Variants in EXOC6B observed in about 807,000 individuals in gnomAD.
EXOC6B encodes SEC15 homolog B.
EXOC6B carries 54 observed loss-of-function variants against 113.5 expected under a neutral mutation model. That is an observed-to-expected ratio of 0.48 (90% confidence interval 0.38 to 0.60). The LOEUF (loss-of-function observed/expected upper bound fraction) is 0.60, where lower values mean the gene tolerates loss of function less well. Ranked by LOEUF, EXOC6B falls within the 20% of genes least tolerant of loss-of-function variation. EXOC6B has a pLI of 0.00. For synonymous variants in EXOC6B, 357 were observed against 339.0 expected (o/e 1.05, Z -0.58); for missense variants, 797 against 977.5 (o/e 0.82, Z 2.46).
At chr2:72,206,281 T>C (rs539890722) in intron 20 of EXOC6B, among the ~76,000 whole-genome samples, 20 of 152,326 alleles carry the variant, frequency 1.3e-4, no homozygotes, top group African/African-American at 4.8e-4. Context: ...CATCTTTAAA[T>C]ATGAGAGTAA....
At chr2:72,259,199 T>C (rs1251151836) in intron 20 of EXOC6B, among the ~76,000 whole-genome samples, 2 of 152,206 alleles carry the variant, frequency 1.3e-5, no homozygotes, top group Admixed American at 1.3e-4. Context: ...AATCACTGCT[T>C]TGATTTTTTT....
chr2:72,344,860 C>A (rs1689234240), intron 19 of EXOC6B, among the ~76,000 whole-genome samples: 2 of 151,998 alleles, frequency 1.3e-5, no homozygotes, highest in East Asian at 3.9e-4. Flanking sequence ...TTTAAATCTC[C>A]TGACATCATT....
intron 7 of EXOC6B, among the ~76,000 whole-genome samples, chr2:72,562,012 A>G (rs1405323578): frequency 2.0e-5 from 3 of 152,130 alleles, no homozygotes; most frequent in Non-Finnish European, 4.4e-5. Context: ...TCTACTCCCA[A>G]AATAGCCTAA....
intron 6 of EXOC6B, among the ~76,000 whole-genome samples, chr2:72,586,642 C>T (rs1475445197): frequency 6.6e-6 from 1 of 152,010 alleles, no homozygotes; most frequent in African/African-American, 2.4e-5. Context: ...ATCCCAGCTA[C>T]TTGGAAGGCT....
At chr2:72,585,842 G>A (rs1032451211) in intron 6 of EXOC6B, among the ~76,000 whole-genome samples, 1 of 152,028 alleles carries the variant, frequency 6.6e-6, no homozygotes, top group African/African-American at 2.4e-5. Context: ...TGGACTAGAT[G>A]TATTCATACC....
rs900735224 is a variant in EXOC6B at position 72,493,331 on chromosome 2, C to A, written c.1554-902G>T. Reference sequence around the variant, plus strand: ...TTCTCTGTTTTTCTCCCCCCCCCCCCCCCGCATTTTTACATAGGAAGCAAT... The same window carrying A: ...TTCTCTGTTTTTCTCCCCCCCCCCCACCCGCATTTTTACATAGGAAGCAAT... On this transcript the variant is annotated intron_variant, in intron 15 of 21. Transcript: ENST00000272427. Among the ~76,000 whole-genome samples, 2 of 145,494 alleles carry A rather than the reference C, an allele frequency of 1.4e-5. 1 individual carries two copies. Among genetic ancestry groups the A allele is most frequent in the Non-Finnish European group, 3.0e-5 (2 of 67,150 alleles).
chr2:72,279,935 C>A lies in EXOC6B; in HGVS notation c.2196+55012G>T, dbSNP rs115117846. Among the ~76,000 whole-genome samples, 265 of 152,158 alleles carry A rather than the reference C, an allele frequency of 1.7e-3. 1 individual carries two copies. The highest frequency in any genetic ancestry group is 2.5e-3 in the South Asian group (12 of 4,824). On this transcript the variant is annotated intron_variant, in intron 20 of 21. Transcript: ENST00000272427. ...GAGATTATAGGCTAAATTTAGATAA[C>A]TTTTTTAAAGGTACTGAGCCATTTA...
intron 6 of EXOC6B, among the ~76,000 whole-genome samples, chr2:72,694,863 G>A (rs986484724): frequency 3.9e-5 from 6 of 152,116 alleles, no homozygotes; most frequent in African/African-American, 1.4e-4. Context: ...TGCAGTTGTG[G>A]GACTCTGCCA....
chr2:72,498,821 A>C (rs1278170567), intron 12 of EXOC6B, among the ~76,000 whole-genome samples: 1 of 152,150 alleles, frequency 6.6e-6, no homozygotes, highest in Non-Finnish European at 1.5e-5. Flanking sequence ...ATACTATGGG[A>C]TAAGTCCTCC....
At chr2:72,544,563 T>C (rs995075703) in intron 8 of EXOC6B, among the ~76,000 whole-genome samples, 1 of 152,128 alleles carries the variant, frequency 6.6e-6, no homozygotes, top group Admixed American at 6.5e-5. Context: ...ACTTTTCTTT[T>C]TTTGGTAGAT....
intron 6 of EXOC6B, among the ~76,000 whole-genome samples, chr2:72,625,548 C>G (rs2104225209): frequency 6.6e-6 from 1 of 152,226 alleles, no homozygotes; most frequent in East Asian, 1.9e-4. Context: ...CCCCTATTGT[C>G]CTCATTCCAG....
chr2:72,809,533 C>A (rs1456937811), intron 1 of EXOC6B, among the ~76,000 whole-genome samples: 3 of 150,082 alleles, frequency 2.0e-5, no homozygotes, highest in Admixed American at 6.6e-5. Context: ...TGTAAAATAA[C>A]CCAAAGTAAA....
Position 72,537,695 on chromosome 2 carries a change from C to T in EXOC6B, c.915+21758G>A, listed in dbSNP as rs568316072. On this transcript the variant is annotated intron_variant, in intron 8 of 21. Coordinates refer to ENST00000272427, the MANE Select transcript of EXOC6B (RefSeq NM_015189.3). The stretch of plus-strand genomic sequence containing the variant: ...TGAGTAGCTTATATAAAAATTCTAG[C>T]GGAATTGATGGAGATATAAGCACGA... 9.2e-5 allele frequency among the ~76,000 whole-genome samples: 14 copies of T among 152,098 alleles called. 1 individual carries two copies. In the South Asian group the frequency reaches 2.5e-3, roughly 27 times the overall value.
chr2:72,361,778 T>C (rs192261173), intron 19 of EXOC6B, among the ~76,000 whole-genome samples: 7 of 152,298 alleles, frequency 4.6e-5, no homozygotes, highest in African/African-American at 1.7e-4. Flanking sequence ...GTCAGCTATA[T>C]CACAAACCTG....
intron 18 of EXOC6B, among the ~76,000 whole-genome samples, chr2:72,408,986 T>C (rs966985737): frequency 9.9e-5 from 15 of 152,046 alleles, no homozygotes; most frequent in East Asian, 7.7e-4. Flanking sequence ...GGGCTAATAT[T>C]CAGAATCTAC....
rs116029432 is a variant in EXOC6B at position 72,400,569 on chromosome 2, A to G, written c.1981-20699T>C. Among the ~76,000 whole-genome samples the G allele has an allele frequency of 9.1e-3, 1,385 of 152,188 alleles. 21 individuals are homozygous for G. Among genetic ancestry groups the G allele is most frequent in the African/African-American group, 0.031 (1,297 of 41,536 alleles). On this transcript the variant is annotated intron_variant, in intron 18 of 21. Coordinates refer to ENST00000272427, the MANE Select transcript of EXOC6B (RefSeq NM_015189.3). ...GACAAAGGACAAATATCCAGAAGCTATAAGAAAGTCAAACAAATCAACAAG... is the reference window on the plus strand; with the variant it reads ...GACAAAGGACAAATATCCAGAAGCTGTAAGAAAGTCAAACAAATCAACAAG...
At chr2:72,219,101 C>T (rs2104418036) in intron 20 of EXOC6B, among the ~76,000 whole-genome samples, 1 of 152,212 alleles carries the variant, frequency 6.6e-6, no homozygotes, top group Non-Finnish European at 1.5e-5. Flanking sequence ...ACTGGCATTC[C>T]ATAGTGATAA....
intron 18 of EXOC6B, among the ~76,000 whole-genome samples, chr2:72,381,143 A>G (rs1258802537): frequency 6.6e-6 from 1 of 152,192 alleles, no homozygotes; most frequent in Non-Finnish European, 1.5e-5. Flanking sequence ...TATGACAAGT[A>G]TATAACCAGA....
chr2:72,181,882 A>C (rs1678111059), intron 21 of EXOC6B, among the ~76,000 whole-genome samples: 1 of 152,192 alleles, frequency 6.6e-6, no homozygotes, highest in Non-Finnish European at 1.5e-5. Flanking sequence ...CCCATTCTGA[A>C]AGCCCAATAT....
Sources: gnomAD v4.1 joint callset for allele counts (sites outside exome capture counted in the v4.1 genomes callset) on GRCh38, gnomAD v4.1.1 for gene constraint, MANE v1.5 for transcripts, NCBI Gene and HGNC (gene_info 2026-07-23, HGNC 2026-07-21) for gene names.